PDE4B: variants seen among roughly 807,000 people sequenced by gnomAD.
The protein encoded by PDE4B is phosphodiesterase 4B.
Under a neutral mutation model 82.2 loss-of-function variants are expected in PDE4B, and 20 were observed. The ratio of observed to expected loss-of-function variants is 0.24; its 90% CI spans 0.17 to 0.35. The LOEUF is 0.35. Ranked by LOEUF, PDE4B falls within the 10% of genes least tolerant of loss-of-function variation. PDE4B has a pLI of 1.00. For missense variants in PDE4B, 655 were observed against 907.2 expected (o/e 0.72, Z 3.57); for synonymous variants, 320 against 318.9 (o/e 1.00, Z -0.04).
intron 3 of PDE4B, among the ~76,000 whole-genome samples, chr1:66,210,166 A>C (rs1207953171): frequency 6.6e-6 from 1 of 152,216 alleles, no homozygotes. Context: ...GGCCGTGTGC[A>C]CTGAGAAAAA....
At chr1:65,833,771 C>T (rs1426317825) in intron 1 of PDE4B, among the ~76,000 whole-genome samples, 1 of 152,094 alleles carries the variant, frequency 6.6e-6, no homozygotes, top group Non-Finnish European at 1.5e-5. Flanking sequence ...GTGTACTGAA[C>T]AAATTATTAA....
intron 1 of PDE4B, among the ~76,000 whole-genome samples, chr1:65,856,381 G>C (rs1296308958): frequency 1.3e-5 from 2 of 151,958 alleles, no homozygotes; most frequent in South Asian, 2.1e-4. Flanking sequence ...CCCTCCCTAT[G>C]TCCATGTGTT....
chr1:66,141,679 A>G (rs1039322924), intron 3 of PDE4B, among the ~76,000 whole-genome samples: 2 of 151,980 alleles, frequency 1.3e-5, no homozygotes, highest in Non-Finnish European at 2.9e-5. Flanking sequence ...GGGCCTATGA[A>G]AGGCTGGACC....
chr1:66,030,438 C>T (rs186783867), intron 3 of PDE4B, among the ~76,000 whole-genome samples: 115 of 152,252 alleles, frequency 7.6e-4, no homozygotes, highest in African/African-American at 2.5e-3. Flanking sequence ...ATCAGTTCTC[C>T]TTGCATGTCT....
chr1:65,958,563 A>G (rs1044400009), intron 3 of PDE4B, among the ~76,000 whole-genome samples: 3 of 152,266 alleles, frequency 2.0e-5, no homozygotes, highest in Middle Eastern at 3.4e-3. Context: ...GGATTCACCT[A>G]TACAATATCT....
At chr1:66,157,114 T>C (rs1031972068) in intron 3 of PDE4B, among the ~76,000 whole-genome samples, 1 of 152,210 alleles carries the variant, frequency 6.6e-6, no homozygotes, top group African/African-American at 2.4e-5. Flanking sequence ...GTAATGCCAG[T>C]GCTCCCCTTC....
chr1:65,961,987 T>A (rs1649564832), intron 3 of PDE4B, among the ~76,000 whole-genome samples: 1 of 152,182 alleles, frequency 6.6e-6, no homozygotes, highest in Non-Finnish European at 1.5e-5. Context: ...GATTACAACC[T>A]GATAAACCCA....
intron 3 of PDE4B, among the ~76,000 whole-genome samples, chr1:66,028,911 A>G (rs1054987712): frequency 6.6e-6 from 1 of 152,182 alleles, no homozygotes; most frequent in Non-Finnish European, 1.5e-5. Context: ...AAATTTTCCC[A>G]CATTTTCCTG....
At chr1:65,878,274 T>C (rs188607615) in intron 1 of PDE4B, among the ~76,000 whole-genome samples, 47 of 152,214 alleles carry the variant, frequency 3.1e-4, no homozygotes, top group Admixed American at 1.6e-3. Context: ...CACTTTTACA[T>C]TGTTGGAGGG....
intron 1 of PDE4B, among the ~76,000 whole-genome samples, chr1:65,907,692 T>C (rs1647042598): frequency 6.6e-6 from 1 of 152,192 alleles, no homozygotes; most frequent in Non-Finnish European, 1.5e-5. Context: ...TGATAAAATT[T>C]CCAAAGAATT....
At chr1:66,103,859 C>T (rs192621576) in intron 3 of PDE4B, among the ~76,000 whole-genome samples, 1 of 152,066 alleles carries the variant, frequency 6.6e-6, no homozygotes, top group Admixed American at 6.6e-5. Flanking sequence ...GAAATCATTG[C>T]CCACTGTATT....
At chr1:66,136,659 C>T (rs1646061543) in intron 3 of PDE4B, among the ~76,000 whole-genome samples, 1 of 124,906 alleles carries the variant, frequency 8.0e-6, no homozygotes, top group Admixed American at 1.1e-4. Context: ...GATTGCACAA[C>T]TGCAATCCAG....
intron 7 of PDE4B, chr1:66,331,799 G>C: frequency 2.0e-6 from 2 of 985,368 alleles, no homozygotes; most frequent in Non-Finnish European, 2.4e-6. Context: ...ACGTGTTCAC[G>C]TAAAACTCCA....
chr1:66,176,303 T>C (rs1646930547), intron 3 of PDE4B, among the ~76,000 whole-genome samples: 1 of 152,126 alleles, frequency 6.6e-6, no homozygotes, highest in Non-Finnish European at 1.5e-5. Context: ...AAACCACAGA[T>C]CTAACACAGC....
intron 1 of PDE4B, among the ~76,000 whole-genome samples, chr1:65,908,533 G>C (rs963192263): frequency 8.5e-5 from 13 of 152,056 alleles, no homozygotes; most frequent in African/African-American, 2.7e-4. Context: ...TATACATTTA[G>C]GTGTATCTAT....
chr1:66,216,573 T>C (rs1430262110), intron 3 of PDE4B, among the ~76,000 whole-genome samples: 1 of 152,308 alleles, frequency 6.6e-6, no homozygotes, highest in Admixed American at 6.5e-5. Flanking sequence ...ATATTATATG[T>C]TACTTTTGTC....
intron 8 of PDE4B, among the ~76,000 whole-genome samples, chr1:66,336,523 G>A (rs572031250): frequency 4.6e-5 from 7 of 152,278 alleles, no homozygotes; most frequent in South Asian, 2.1e-4. Flanking sequence ...CCCCACAAAC[G>A]CCCTCCACTG....
At chr1:65,879,113 A>G (rs543676824) in intron 1 of PDE4B, among the ~76,000 whole-genome samples, 1 of 151,914 alleles carries the variant, frequency 6.6e-6, no homozygotes, top group African/African-American at 2.4e-5. Flanking sequence ...TACCCTCTAG[A>G]CTCCCACTGG....
chr1:65,797,555 G>A (rs1043756115), intron 1 of PDE4B, among the ~76,000 whole-genome samples: 4 of 152,192 alleles, frequency 2.6e-5, no homozygotes, highest in African/African-American at 4.8e-5. Flanking sequence ...TGGTGCTTCC[G>A]GGGCTCCCAC....
Sources: gnomAD v4.1 joint callset for allele counts (sites outside exome capture counted in the v4.1 genomes callset) on GRCh38, gnomAD v4.1.1 for gene constraint, MANE v1.5 for transcripts, NCBI Gene and HGNC (gene_info 2026-07-23, HGNC 2026-07-21) for gene names.